Variants in CRACD observed in about 807,000 individuals in gnomAD.
The protein encoded by CRACD is capping protein inhibiting regulator of actin dynamics.
A neutral mutation model predicts 106.8 loss-of-function variants in CRACD; 56 were observed. The observed-to-expected ratio is 0.52, with a 90% CI of 0.42 to 0.66. The LOEUF is 0.66. Ranked by LOEUF, CRACD falls within the 30% of genes least tolerant of loss-of-function variation. The pLI is 0.00. For missense variants in CRACD, 1,730 were observed against 1,623.2 expected, an observed-to-expected ratio of 1.07 and a Z score of -1.13; for synonymous variants, 754 against 670.8, an observed-to-expected ratio of 1.12 and a Z score of -1.92.
intron 2 of CRACD, among the ~76,000 whole-genome samples, chr4:56,265,070 A>G (rs1385695122): frequency 6.6e-6 from 1 of 152,134 alleles, no homozygotes; most frequent in Non-Finnish European, 1.5e-5. Flanking sequence ...AGCACAGCCT[A>G]TCTGACATGT....
intron 2 of CRACD, among the ~76,000 whole-genome samples, chr4:56,253,174 C>A (rs889903067): frequency 6.6e-6 from 1 of 152,168 alleles, no homozygotes; most frequent in African/African-American, 2.4e-5. Context: ...AACTTACAGA[C>A]CATACTCTGG....
At chr4:56,322,771 C>G (rs1304318849) in intron 8 of CRACD, among the ~76,000 whole-genome samples, 2 of 152,182 alleles carry the variant, frequency 1.3e-5, no homozygotes, top group African/African-American at 4.8e-5. Context: ...GCTCACGCCT[C>G]TAATCATAGC....
chr4:56,079,436 T>C (rs1299020048), intron 1 of CRACD, among the ~76,000 whole-genome samples: 7 of 151,912 alleles, frequency 4.6e-5, no homozygotes, highest in Admixed American at 4.6e-4. Context: ...GTCCTAGTAA[T>C]TTTTTCTTCT....
At chr4:56,292,256 A>G (rs1490480431) in intron 3 of CRACD, among the ~76,000 whole-genome samples, 2 of 152,216 alleles carry the variant, frequency 1.3e-5, no homozygotes, top group African/African-American at 4.8e-5. Flanking sequence ...AAAGCATTTA[A>G]GATGTGGCCT....
chr4:56,056,624 C>A (rs539903524), intron 1 of CRACD, among the ~76,000 whole-genome samples: 3 of 151,486 alleles, frequency 2.0e-5, no homozygotes, highest in South Asian at 4.2e-4. Context: ...AAAAAAAACA[C>A]CCTCTCCCCG....
At chr4:56,247,896 G>A (rs1449720303) in intron 2 of CRACD, among the ~76,000 whole-genome samples, 3 of 151,902 alleles carry the variant, frequency 2.0e-5, no homozygotes, top group Non-Finnish European at 2.9e-5. Flanking sequence ...TGAAGCCTGG[G>A]AGTGGACTTT....
At chr4:56,317,585 C>T (rs1745760719) in intron 8 of CRACD, among the ~76,000 whole-genome samples, 2 of 152,180 alleles carry the variant, frequency 1.3e-5, no homozygotes, top group Admixed American at 6.5e-5. Context: ...TGGAGTGTCC[C>T]CTACCAGTGT....
rs1305564060 is a variant in CRACD at position 56,314,527 on chromosome 4, A to G, written c.1025A>G (p.Glu342Gly). 3.8e-5 allele frequency: 58 copies of G among 1,511,002 alleles called. No homozygotes were observed. The highest frequency in any genetic ancestry group is 5.0e-5 in the Non-Finnish European group (57 of 1,132,864). 93.6% of individuals were successfully genotyped at this position (1,511,002 alleles called of 1,614,324 possible). ...RRRLEEDARLEERRRQEEEEG... is the reference protein window; with the variant it reads ...RRRLEEDARLGERRRQEEEEG... The stretch of plus-strand genomic sequence containing the variant: ...CGGCTGGAGGAGGACGCCAGGCTGG[A>G]GGAGCGGAGGCGGCAGGAGGAGGAG... The change falls in exon 8 of 11, where the codon GAG becomes GGG. Residue 342 changes from glutamate (E) to glycine (G), a missense_variant. Glu to Gly is a moderately conservative substitution (Grantham distance 98, BLOSUM62 -2). Transcript: ENST00000682029. The surrounding 1 kb of genome is among the most constrained non-coding windows in gnomAD (Gnocchi z 4.4).
At chr4:56,182,638 T>G (rs1406700584) in intron 2 of CRACD, among the ~76,000 whole-genome samples, 1 of 152,108 alleles carries the variant, frequency 6.6e-6, no homozygotes, top group African/African-American at 2.4e-5. Context: ...TTGCAGTCCC[T>G]GTCCAAATTG....
At chr4:56,129,655 G>A (rs1734762148) in intron 1 of CRACD, among the ~76,000 whole-genome samples, 1 of 152,158 alleles carries the variant, frequency 6.6e-6, no homozygotes, top group East Asian at 1.9e-4. Flanking sequence ...AGTTTAGCAC[G>A]CTTTTATGGA....
intron 2 of CRACD, among the ~76,000 whole-genome samples, chr4:56,242,916 G>A (rs538745706): frequency 6.0e-4 from 92 of 152,150 alleles, no homozygotes; most frequent in Non-Finnish European, 1.1e-3. Context: ...GCAGCCTGGC[G>A]CACCAGGTAA....
At chr4:56,175,013 G>A (rs1421478367) in intron 1 of CRACD, among the ~76,000 whole-genome samples, 2 of 152,088 alleles carry the variant, frequency 1.3e-5, no homozygotes, top group Non-Finnish European at 2.9e-5. Context: ...TCACTATCAC[G>A]AGAACAGCAT....
chr4:56,072,715 C>A (rs1732701537), intron 1 of CRACD, among the ~76,000 whole-genome samples: 1 of 152,102 alleles, frequency 6.6e-6, no homozygotes, highest in African/African-American at 2.4e-5. Context: ...ATCAACCTGT[C>A]ATCTATGTTA....
chr4:56,278,720 T>C (rs1353618519), intron 3 of CRACD, among the ~76,000 whole-genome samples: 1 of 152,140 alleles, frequency 6.6e-6, no homozygotes, highest in Non-Finnish European at 1.5e-5. Flanking sequence ...ACAGAATGGA[T>C]GGAAATATTT....
At chr4:56,143,988 C>G (rs956556706) in intron 1 of CRACD, among the ~76,000 whole-genome samples, 14 of 152,172 alleles carry the variant, frequency 9.2e-5, no homozygotes, top group Admixed American at 4.6e-4. Context: ...AGAGGAGTCT[C>G]TGTTACAGAG....
intron 1 of CRACD, among the ~76,000 whole-genome samples, chr4:56,157,186 G>A (rs1294615778): frequency 2.6e-5 from 4 of 152,140 alleles, no homozygotes; most frequent in Non-Finnish European, 5.9e-5. Flanking sequence ...GATGGAAAAA[G>A]TATCTTTGAA....
chr4:56,055,593 A>C (rs539840426), intron 1 of CRACD, among the ~76,000 whole-genome samples: 1 of 152,340 alleles, frequency 6.6e-6, no homozygotes, highest in South Asian at 2.1e-4. Flanking sequence ...GATTGCAGTC[A>C]GGATTTTTCT....
chr4:56,070,982 C>T (rs73162701), intron 1 of CRACD, among the ~76,000 whole-genome samples: 29,566 of 151,338 alleles, frequency 0.2, 2,998 homozygotes, highest in Non-Finnish European at 0.21. Context: ...ACCCTGATGA[C>T]AGAGGTTGTG....
intron 2 of CRACD, among the ~76,000 whole-genome samples, chr4:56,228,366 T>G (rs1739426226): frequency 6.6e-6 from 1 of 152,156 alleles, no homozygotes; most frequent in Non-Finnish European, 1.5e-5. Flanking sequence ...TAAATTATAT[T>G]GAGTACAATT....
Sources: allele counts gnomAD v4.1 joint callset (sites outside exome capture counted in the v4.1 genomes callset), GRCh38; gene constraint gnomAD v4.1.1; non-coding constraint Gnocchi (gnomAD v3.1); transcripts MANE v1.5; gene names NCBI Gene and HGNC (gene_info 2026-07-23, HGNC 2026-07-21).